The following NTM variants were observed in gnomAD, a reference collection of about 807,000 sequenced individuals.
NTM encodes IgLON family member 2.
In NTM, 13 loss-of-function variants were observed where a neutral mutation model predicts 42.1. That is an observed-to-expected ratio of 0.31 (90% CI 0.20 to 0.49). The LOEUF is 0.49. NTM is among the 20% of genes least tolerant of loss of function. The pLI, the probability that NTM is intolerant of heterozygous loss-of-function variation, is 0.99. For synonymous variants in NTM, 187 were observed against 179.2 expected, an observed-to-expected ratio of 1.04 and a Z score of -0.35; for missense variants, 373 against 452.8, an observed-to-expected ratio of 0.82 and a Z score of 1.60.
chr11:131,791,952 A>G (rs1294676041), intron 1 of NTM, among the ~76,000 whole-genome samples: 1 of 152,192 alleles, frequency 6.6e-6, no homozygotes, highest in African/African-American at 2.4e-5. Context: ...TCATAAGCCT[A>G]AGGTTAATGT....
In NTM at chr11:132,146,268, G is replaced by C; in HGVS notation, c.168-14G>C. The C allele has an allele frequency of 6.2e-7, 1 of 1,613,980 alleles. No individual in the cohort carries two copies. The highest frequency in any genetic ancestry group is 8.5e-7 in the Non-Finnish European group (1 of 1,179,920). ...TCTCAGTCCCTTGACGTACCTGTCT[G>C]GTCTTCCCTTCAGGTGCACTATTGA... On this transcript the variant is annotated splice_polypyrimidine_tract_variant and intron_variant, in intron 2 of 8. Transcript: ENST00000683400. The surrounding 1 kb of genome is among the most constrained non-coding windows in gnomAD (Gnocchi z 4.5).
At chr11:131,680,638 T>TAC (rs1437897220) in intron 1 of NTM, among the ~76,000 whole-genome samples, 1 of 135,642 alleles carries the variant, frequency 7.4e-6, no homozygotes, top group Non-Finnish European at 1.6e-5. Context: ...TGTGTGTGTG[T>TAC]CTGTGTAGGC....
At chr11:131,903,772 T>A (rs1259159701) in intron 1 of NTM, among the ~76,000 whole-genome samples, 1 of 152,192 alleles carries the variant, frequency 6.6e-6, no homozygotes, top group Non-Finnish European at 1.5e-5. Flanking sequence ...GCTATTCCAG[T>A]GAGCTGGTAA....
At position 132,288,170 on chromosome 11, in the gene NTM, G is replaced by A. The variant is rs185718135; in HGVS notation, c.527-19519G>A. Among the ~76,000 whole-genome samples the A allele has an allele frequency of 2.6e-5, 4 of 152,342 alleles. No homozygotes were observed. The East Asian group carries it at 7.7e-4, about 29-fold the overall frequency. On this transcript the variant is annotated intron_variant, in intron 4 of 8. Coordinates refer to ENST00000683400, the MANE Select transcript of NTM (RefSeq NM_001352005.2). ...GATGGGGGAATAGCCTGGGCAGGAT[G>A]CAAGCCACATCGTGCAGAATATGAT... is the stretch of plus-strand genomic sequence containing the variant.
chr11:132,128,345 T>A (rs1272778189), intron 2 of NTM, among the ~76,000 whole-genome samples: 2 of 152,182 alleles, frequency 1.3e-5, no homozygotes, highest in Non-Finnish European at 2.9e-5. Context: ...CTTTTGAATA[T>A]GCATACACAA....
intron 1 of NTM, among the ~76,000 whole-genome samples, chr11:131,623,534 G>C (rs2062785916): frequency 6.6e-6 from 1 of 152,228 alleles, no homozygotes; most frequent in Non-Finnish European, 1.5e-5. Context: ...TCGGCTGCTT[G>C]CATGTTTAAA....
intron 1 of NTM, among the ~76,000 whole-genome samples, chr11:131,461,010 A>G (rs2136109778): frequency 6.6e-6 from 1 of 152,356 alleles, no homozygotes; most frequent in South Asian, 2.1e-4. Flanking sequence ...CACAGTCAGA[A>G]CAATCAGTAC....
chr11:132,044,118 G>A (rs1412397955), intron 2 of NTM, among the ~76,000 whole-genome samples: 105 of 86,154 alleles, frequency 1.2e-3, no homozygotes, highest in East Asian at 9.6e-3. Flanking sequence ...GTATGTGTAT[G>A]TGTGTGTATA....
intron 1 of NTM, among the ~76,000 whole-genome samples, chr11:131,775,909 G>C (rs1285987779): frequency 6.6e-6 from 1 of 152,180 alleles, no homozygotes; most frequent in Non-Finnish European, 1.5e-5. Flanking sequence ...ATTTGGGATA[G>C]TGCATTTATT....
At chr11:132,190,319 G>T (rs2079097276) in intron 3 of NTM, among the ~76,000 whole-genome samples, 1 of 152,206 alleles carries the variant, frequency 6.6e-6, no homozygotes, top group Admixed American at 6.5e-5. Flanking sequence ...AGGGCACTGA[G>T]AAGGGGAAAT....
chr11:131,480,759 G>T (rs1384888067), intron 1 of NTM, among the ~76,000 whole-genome samples: 1 of 151,316 alleles, frequency 6.6e-6, no homozygotes, highest in East Asian at 1.9e-4. Flanking sequence ...AGGAAGAGTG[G>T]CCAGCTCTGT....
intron 2 of NTM, among the ~76,000 whole-genome samples, chr11:131,931,069 CAT>C (rs1223530641): frequency 6.6e-6 from 1 of 152,134 alleles, no homozygotes; most frequent in African/African-American, 2.4e-5. Flanking sequence ...TTGCGAGTGA[CAT>C]AGATTTTTTG....
intron 1 of NTM, among the ~76,000 whole-genome samples, chr11:131,467,699 T>C (rs930365957): frequency 2.0e-5 from 3 of 152,188 alleles, no homozygotes; most frequent in Admixed American, 2.0e-4. Context: ...TTTAAAAAAA[T>C]AAAATAGAAT....
At chr11:131,537,898 C>A (rs937355744) in intron 1 of NTM, 1 of 152,214 alleles carries the variant, frequency 6.6e-6, no homozygotes, top group African/African-American at 2.4e-5. Flanking sequence ...GGTCAGCACA[C>A]AAGCAGGGGA....
chr11:131,858,054 C>T (rs1319247703), intron 1 of NTM, among the ~76,000 whole-genome samples: 1 of 152,020 alleles, frequency 6.6e-6, no homozygotes, highest in East Asian at 1.9e-4. Context: ...CATGCCTCAC[C>T]CTTCCTTTCC....
intron 1 of NTM, among the ~76,000 whole-genome samples, chr11:131,831,430 C>T (rs1016832867): frequency 2.6e-5 from 4 of 152,128 alleles, no homozygotes; most frequent in Non-Finnish European, 5.9e-5. Flanking sequence ...TACCCATGTC[C>T]TCATGGCTGG....
intron 2 of NTM, among the ~76,000 whole-genome samples, chr11:132,062,374 C>T (rs2080820713): frequency 2.0e-5 from 3 of 152,152 alleles, no homozygotes; most frequent in Admixed American, 1.3e-4. Flanking sequence ...GTGAAAACTC[C>T]TGAAGCTCAT....
intron 1 of NTM, among the ~76,000 whole-genome samples, chr11:131,391,643 G>GA (rs1407476566): frequency 2.5e-5 from 2 of 78,508 alleles, no homozygotes; most frequent in Admixed American, 1.6e-4. Context: ...CTTTTATCTG[G>GA]GAAAAAAAAA....
At chr11:132,118,117 C>T (rs2064161529) in intron 2 of NTM, among the ~76,000 whole-genome samples, 1 of 152,234 alleles carries the variant, frequency 6.6e-6, no homozygotes, top group African/African-American at 2.4e-5. Flanking sequence ...GGGTCCTTTA[C>T]AGTCTTACAA....
Sources: allele counts gnomAD v4.1 joint callset (sites outside exome capture counted in the v4.1 genomes callset), GRCh38; gene constraint gnomAD v4.1.1; non-coding constraint Gnocchi (gnomAD v3.1); transcripts MANE v1.5; gene names NCBI Gene and HGNC (gene_info 2026-07-23, HGNC 2026-07-21).